LDAH: variants seen among roughly 807,000 people sequenced by gnomAD.
LDAH encodes the protein lipid droplet-associated hydrolase.
Under a neutral mutation model 29.6 loss-of-function variants are expected in LDAH, and 26 were observed. The observed-to-expected ratio is 0.88, with a 90% confidence interval of 0.64 to 1.22. The LOEUF (loss-of-function observed/expected upper bound fraction) is 1.22, where lower values mean the gene tolerates loss of function less well. Ranked by LOEUF, LDAH falls within the 50% of genes most tolerant of loss-of-function variation. LDAH has a pLI of 0.00. For missense variants in LDAH, 344 were observed against 387.3 expected (o/e 0.89, Z 0.94); for synonymous variants, 117 against 133.0 (o/e 0.88, Z 0.83).
intron 2 of LDAH, among the ~76,000 whole-genome samples, chr2:20,799,251 A>G (rs1671506558): frequency 1.3e-5 from 2 of 152,196 alleles, no homozygotes; most frequent in Non-Finnish European, 2.9e-5. Flanking sequence ...ACAAAAAAGA[A>G]TGTGGAATAA....
rs1004713400 is a variant in LDAH at position 20,698,712 on chromosome 2, A to G, written c.786+2858T>C. On this transcript the variant is annotated intron_variant, in intron 6 of 6. Transcript: ENST00000237822. This position sits in a 1 kb window ranked among gnomAD's most constrained non-coding sequence, Gnocchi z 4.4. ...CAAAAAAAGGAAAAAGAAATAACCT[A>G]TGATGCCATAAACCATGGTATACTC... 2.6e-5 allele frequency among the ~76,000 whole-genome samples: 4 copies of G among 152,176 alleles called. No homozygotes were observed. The highest frequency in any genetic ancestry group is 9.7e-5 in the African/African-American group (4 of 41,446).
At chr2:20,786,314 C>T (rs1015085595) in intron 3 of LDAH, among the ~76,000 whole-genome samples, 8 of 152,048 alleles carry the variant, frequency 5.3e-5, no homozygotes, top group African/African-American at 1.4e-4. Context: ...CTCAACCTCC[C>T]GAGTAGCTGG....
intron 4 of LDAH, among the ~76,000 whole-genome samples, chr2:20,752,626 A>G (rs2124909337): frequency 6.6e-6 from 1 of 152,292 alleles, no homozygotes; most frequent in South Asian, 2.1e-4. Context: ...ATAGCGATCA[A>G]GTGTCAATGG....
At chr2:20,815,221 G>C (rs1163588828) in intron 1 of LDAH, among the ~76,000 whole-genome samples, 1 of 152,068 alleles carries the variant, frequency 6.6e-6, no homozygotes, top group African/African-American at 2.4e-5. Flanking sequence ...CTTGAAAACA[G>C]ATCAACAGAA....
At chr2:20,787,172 C>T (rs576453086) in intron 3 of LDAH, among the ~76,000 whole-genome samples, 1 of 152,312 alleles carries the variant, frequency 6.6e-6, no homozygotes, top group East Asian at 1.9e-4. Flanking sequence ...CTAGTGTCTT[C>T]TACAATCTTC....
intron 4 of LDAH, among the ~76,000 whole-genome samples, chr2:20,772,647 G>A (rs1337049530): frequency 1.3e-5 from 2 of 152,198 alleles, no homozygotes; most frequent in Non-Finnish European, 2.9e-5. Flanking sequence ...TACAGGAAAC[G>A]TGATGGGATG....
At chr2:20,720,798 T>C (rs746048252) in intron 5 of LDAH, among the ~76,000 whole-genome samples, 1 of 152,102 alleles carries the variant, frequency 6.6e-6, no homozygotes, top group African/African-American at 2.4e-5. Context: ...CACAGACCAA[T>C]GGAATGTAAT....
chr2:20,735,000 A>C (rs2149430457), intron 5 of LDAH, among the ~76,000 whole-genome samples: 1 of 152,324 alleles, frequency 6.6e-6, no homozygotes, highest in East Asian at 1.9e-4. Flanking sequence ...TCCTTCAAAC[A>C]GACTTTCTTC....
chr2:20,813,644 G>C (rs1001113081), intron 1 of LDAH, among the ~76,000 whole-genome samples: 3 of 152,148 alleles, frequency 2.0e-5, no homozygotes, highest in African/African-American at 7.2e-5. Flanking sequence ...AATTTTAATA[G>C]ATGTTGCCAG....
At chr2:20,806,039 T>C (rs1672045583) in intron 1 of LDAH, among the ~76,000 whole-genome samples, 1 of 152,156 alleles carries the variant, frequency 6.6e-6, no homozygotes, top group African/African-American at 2.4e-5. Context: ...TTACTTTGGC[T>C]ACTTGGTAAT....
In LDAH at chr2:20,797,470, A is replaced by G. The variant is rs528862194; in HGVS notation, c.154+3840T>C. Among the ~76,000 whole-genome samples the G allele has an allele frequency of 8.9e-4, 136 of 152,274 alleles. 1 individual carries two copies. The highest frequency in any genetic ancestry group is 7.9e-3 in the Admixed American group (121 of 15,284). On this transcript the variant is annotated intron_variant, in intron 2 of 6. Transcript: ENST00000237822. ...CAATGAAATGCTGGGTCCCTACTCA[A>G]TCACCTTAGGATGAGGCCCACCTAG... is the stretch of plus-strand genomic sequence containing the variant.
intron 5 of LDAH, among the ~76,000 whole-genome samples, chr2:20,714,319 T>C (rs1368332597): frequency 6.6e-6 from 1 of 152,226 alleles, no homozygotes; most frequent in Admixed American, 6.5e-5. Flanking sequence ...AATAAAGATG[T>C]TCTTTGAAAC....
chr2:20,729,822 G>T (rs1003461204), intron 5 of LDAH, among the ~76,000 whole-genome samples: 1 of 152,088 alleles, frequency 6.6e-6, no homozygotes, highest in Non-Finnish European at 1.5e-5. Flanking sequence ...AAGAGACAGG[G>T]TCTTCCTCTG....
intron 4 of LDAH, among the ~76,000 whole-genome samples, chr2:20,748,320 A>C (rs1667718797): frequency 6.6e-6 from 1 of 152,222 alleles, no homozygotes; most frequent in African/African-American, 2.4e-5. Context: ...AATACTTTTA[A>C]TCTTCATGTC....
chr2:20,737,701 C>T (rs1474177441), intron 5 of LDAH, among the ~76,000 whole-genome samples: 3 of 152,130 alleles, frequency 2.0e-5, no homozygotes, highest in Non-Finnish European at 2.9e-5. Flanking sequence ...GTACTATTTT[C>T]ACCAGTAGGC....
In LDAH at chr2:20,698,320, A is replaced by G. The variant is rs1663649785; in HGVS notation, c.786+3250T>C. Among the ~76,000 whole-genome samples, 1 of 151,788 alleles carries G rather than the reference A, an allele frequency of 6.6e-6. No individual in the cohort carries two copies. Among genetic ancestry groups the G allele is most frequent in the South Asian group, 2.3e-4 (1 of 4,416 alleles). On this transcript the variant is annotated intron_variant, in intron 6 of 6. Transcript: ENST00000237822. This position sits in a 1 kb window ranked among gnomAD's most constrained non-coding sequence, Gnocchi z 4.4. ...TGCAATATAACTTTACATAGGGAGTAACATCTAACCAAAACCAAGGACTGG... is the reference window on the plus strand; with the variant it reads ...TGCAATATAACTTTACATAGGGAGTGACATCTAACCAAAACCAAGGACTGG...
chr2:20,713,096 C>A (rs549673235), intron 5 of LDAH, among the ~76,000 whole-genome samples: 6 of 152,210 alleles, frequency 3.9e-5, no homozygotes, highest in African/African-American at 1.4e-4. Context: ...GTCAGATTCA[C>A]CAAGGTTGAA....
chr2:20,723,342 G>A (rs1227000363), intron 5 of LDAH, among the ~76,000 whole-genome samples: 1 of 152,214 alleles, frequency 6.6e-6, no homozygotes. Flanking sequence ...GCATAAGGGG[G>A]TCTTCTGAGA....
rs1295889546 is a variant in LDAH at position 20,790,264 on chromosome 2, T to C, written c.289A>G (p.Thr97Ala). Residue 97 changes from threonine (T) to alanine (A), a missense_variant, in exon 3 of 7, where the codon ACA becomes GCA. Physicochemically the swap from Thr to Ala is moderately conservative, Grantham distance 58 (BLOSUM62 0). Coordinates refer to ENST00000237822, the MANE Select transcript of LDAH (RefSeq NM_021925.4). ...LAPKDKKILT[T>A]SEDSNAQEIK... is the part of the protein sequence containing the mutation. ...ATTAACAAGGACATACCCTCTGATG[T>C]TGTAAGAATCTTCTTGTCTTTGGGA... 2 of 1,614,132 alleles carry C rather than the reference T, an allele frequency of 1.2e-6. No homozygotes were observed. The highest frequency in any genetic ancestry group is 3.3e-5 in the Admixed American group (2 of 60,014).
Sources: gnomAD v4.1 joint callset for allele counts (sites outside exome capture counted in the v4.1 genomes callset) on GRCh38, gnomAD v4.1.1 for gene constraint, Gnocchi (gnomAD v3.1) non-coding constraint, MANE v1.5 for transcripts, NCBI Gene and HGNC (gene_info 2026-07-23, HGNC 2026-07-21) for gene names.